The following MAP1B variants were observed in gnomAD, a reference collection of about 807,000 sequenced individuals.
The protein encoded by MAP1B is microtubule associated protein 1B, also known as microtubule-associated protein 1B.
A neutral mutation model predicts 176.1 loss-of-function variants in MAP1B; 12 were observed. The observed-to-expected ratio is 0.07, with a 90% CI of 0.04 to 0.11. The LOEUF is 0.11. Among genes scored for constraint, MAP1B ranks in the 10% least tolerant of loss-of-function variants. The pLI, the probability that MAP1B is intolerant of heterozygous loss-of-function variation, is 1.00. For missense variants in MAP1B, 2,523 were observed against 2,990.5 expected, an observed-to-expected ratio of 0.84 and a Z score of 3.65; for synonymous variants, 1,044 against 1,135.0, an observed-to-expected ratio of 0.92 and a Z score of 1.61.
Position 72,200,032 on chromosome 5 carries a change from C to T in MAP1B, c.6677C>T (p.Ala2226Val). 6.2e-7 allele frequency: 1 copy of T among 1,614,178 alleles called. No individual in the cohort carries two copies. Among genetic ancestry groups the T allele is most frequent in the Non-Finnish European group, 8.5e-7 (1 of 1,180,036 alleles). Residue 2226 changes from alanine to valine, a missense_variant, in exon 5 of 7, where the codon GCC becomes GTC. Ala to Val is a moderately conservative substitution (Grantham distance 64). Coordinates refer to ENST00000296755, the MANE Select transcript of MAP1B (RefSeq NM_005909.5). ...DVSMVDPEAL[A>V]IEQNLGKALK... ...TCCATGGTGGACCCAGAGGCCTTGGCCATTGAGCAGAACCTGGGCAAAGCT... is the reference window on the plus strand; with the variant it reads ...TCCATGGTGGACCCAGAGGCCTTGGTCATTGAGCAGAACCTGGGCAAAGCT...
At chr5:72,183,413 C>T (rs1340676855) in intron 2 of MAP1B, among the ~76,000 whole-genome samples, 4 of 152,154 alleles carry the variant, frequency 2.6e-5, no homozygotes, top group Non-Finnish European at 5.9e-5. Flanking sequence ...ATGTCAAGAG[C>T]CCCGTTGAGT....
rs1745097266 is a variant in MAP1B, at chr5:72,107,507, T to C, written c.-25T>C. 8 of 1,536,110 alleles carry C rather than the reference T, an allele frequency of 5.2e-6. No homozygotes were observed. Among genetic ancestry groups the C allele is most frequent in the Non-Finnish European group, 7.0e-6 (8 of 1,143,960 alleles). On this transcript the variant is annotated 5_prime_UTR_variant, in exon 1 of 7. Coordinates refer to ENST00000296755, the MANE Select transcript of MAP1B (RefSeq NM_005909.5). The stretch of plus-strand genomic sequence containing the variant: ...AGAGGAGCGGCCGGAGCGAGACACT[T>C]CGCCGAGGCACAGCAGCCGGCAGGA...
At chr5:72,143,755 T>C (rs1745993393) in intron 2 of MAP1B, among the ~76,000 whole-genome samples, 1 of 152,148 alleles carries the variant, frequency 6.6e-6, no homozygotes, top group Non-Finnish European at 1.5e-5. Flanking sequence ...GAGAATCTGT[T>C]CCATACCTTT....
chr5:72,123,762 G>A (rs1212342148), intron 2 of MAP1B, among the ~76,000 whole-genome samples: 1 of 152,160 alleles, frequency 6.6e-6, no homozygotes, highest in African/African-American at 2.4e-5. Context: ...GGGATTACAG[G>A]CGTGAGCCAC....
intron 1 of MAP1B, among the ~76,000 whole-genome samples, chr5:72,113,583 C>G (rs777195591): frequency 1.7e-4 from 26 of 152,144 alleles, no homozygotes; most frequent in African/African-American, 6.0e-4. Flanking sequence ...CTGCAGATAA[C>G]CCTGGATGAA....
In MAP1B at chr5:72,207,098, G is replaced by C. The variant is rs1195174780; in HGVS notation, c.*1859G>C. 1 of 152,180 alleles carries C rather than the reference G, an allele frequency of 6.6e-6. No homozygotes were observed. The allele number at this position is 152,180 out of a possible 1,614,324, so 9.4% of individuals were successfully genotyped here. A position where few individuals can be genotyped will look rare whatever the true frequency, so the allele number is the denominator to read the frequency against. Reference sequence around the variant, plus strand: ...ACTCCTACGGTTCATGTAGAGTTTAGAGAAAATTTCCATCATTGTCATCAT... The same window carrying C: ...ACTCCTACGGTTCATGTAGAGTTTACAGAAAATTTCCATCATTGTCATCAT... On this transcript the variant is annotated 3_prime_UTR_variant, in exon 7 of 7. Coordinates refer to ENST00000296755, the MANE Select transcript of MAP1B (RefSeq NM_005909.5).
chr5:72,184,909 C>A (rs1376499519), intron 3 of MAP1B, among the ~76,000 whole-genome samples: 8 of 152,130 alleles, frequency 5.3e-5, no homozygotes, highest in African/African-American at 1.9e-4. Flanking sequence ...CAACCATCAC[C>A]CTTATCTAAT....
chr5:72,112,638 A>G (rs1745363965), intron 1 of MAP1B, among the ~76,000 whole-genome samples: 1 of 152,212 alleles, frequency 6.6e-6, no homozygotes, highest in Admixed American at 6.5e-5. Context: ...CCTGGTCCCA[A>G]GGAGCTCACT....
chr5:72,153,903 T>TA (rs201048800), intron 2 of MAP1B, among the ~76,000 whole-genome samples: 22 of 150,522 alleles, frequency 1.5e-4, no homozygotes, highest in African/African-American at 2.4e-4. Flanking sequence ...GATGTTCATT[T>TA]AAAAAAAAAA....
intron 2 of MAP1B, chr5:72,116,352 A>G (rs1579979728): frequency 3.0e-6 from 1 of 338,572 alleles, no homozygotes; most frequent in Non-Finnish European, 5.7e-6. Flanking sequence ...TTGCATTACC[A>G]CTTATCTTTC....
At chr5:72,167,088 G>A (rs182855586) in intron 2 of MAP1B, among the ~76,000 whole-genome samples, 1 of 150,824 alleles carries the variant, frequency 6.6e-6, no homozygotes, top group Admixed American at 6.6e-5. Flanking sequence ...ATGCAGAAAT[G>A]CCAAAATGCA....
At chr5:72,129,417 C>T (rs1371343617) in intron 2 of MAP1B, among the ~76,000 whole-genome samples, 2 of 152,002 alleles carry the variant, frequency 1.3e-5, no homozygotes, top group African/African-American at 2.4e-5. Flanking sequence ...ATTAGCCAGG[C>T]GTGGTGGCAG....
chr5:72,137,526 G>T (rs945768820), intron 2 of MAP1B, among the ~76,000 whole-genome samples: 1 of 152,170 alleles, frequency 6.6e-6, no homozygotes, highest in African/African-American at 2.4e-5. Context: ...AGCAAATATT[G>T]ATTTTAAATG....
chr5:72,149,740 G>T (rs1160272960), intron 2 of MAP1B, among the ~76,000 whole-genome samples: 1 of 152,224 alleles, frequency 6.6e-6, no homozygotes, highest in African/African-American at 2.4e-5. Flanking sequence ...GGGGATGAGG[G>T]CAGGAGGTGA....
chr5:72,122,259 C>A (rs1258462806), intron 2 of MAP1B, among the ~76,000 whole-genome samples: 3 of 152,128 alleles, frequency 2.0e-5, no homozygotes, highest in African/African-American at 7.2e-5. Flanking sequence ...ACAGAGTGAT[C>A]GGCAGCTCCT....
intron 2 of MAP1B, among the ~76,000 whole-genome samples, chr5:72,119,327 A>G (rs1179530508): frequency 6.6e-6 from 1 of 152,244 alleles, no homozygotes; most frequent in African/African-American, 2.4e-5. Flanking sequence ...TGCCCAGGGC[A>G]GGTCTCTGCT....
intron 2 of MAP1B, among the ~76,000 whole-genome samples, chr5:72,168,017 C>G (rs1746464245): frequency 6.6e-6 from 1 of 152,250 alleles, no homozygotes; most frequent in South Asian, 2.1e-4. Context: ...GCACGGAAAG[C>G]ACTGCTCCTC....
In MAP1B at chr5:72,198,135, G is replaced by C; in HGVS notation, c.4780G>C (p.Val1594Leu). 1.2e-6 allele frequency: 2 copies of C among 1,614,162 alleles called. No individual in the cohort carries two copies. Among genetic ancestry groups the C allele is most frequent in the East Asian group, 4.5e-5 (2 of 44,878 alleles). The change falls in exon 5 of 7, where the codon GTT becomes CTT. Residue 1594 changes from valine (V) to leucine (L), a missense_variant. Around this residue, in one of 4 missense-constraint regions of MAP1B, gnomAD observed 1,925 missense variants for 2,126.0 expected, o/e 0.91. Transcript: ENST00000296755. ...TEVDDSLSVS[V>L]VQTPTTFQET... The stretch of plus-strand genomic sequence containing the variant: ...AGTAGATGACTCCCTTTCAGTGTCT[G>C]TTGTGCAAACACCTACCACATTCCA...
chr5:72,185,026 T>C (rs1746863295), intron 3 of MAP1B, among the ~76,000 whole-genome samples: 1 of 152,212 alleles, frequency 6.6e-6, no homozygotes. Context: ...GATTTGCCAA[T>C]TCTGGACATT....
Sources: allele counts gnomAD v4.1 joint callset (sites outside exome capture counted in the v4.1 genomes callset), GRCh38; gene constraint gnomAD v4.1.1; regional missense constraint gnomAD v4.1.1; transcripts MANE v1.5; gene names NCBI Gene and HGNC (gene_info 2026-07-23, HGNC 2026-07-21).